ULK4: variants seen among roughly 807,000 people sequenced by gnomAD.
ULK4 encodes inactive serine/threonine-protein kinase ULK4.
A neutral mutation model predicts 160.6 loss-of-function variants in ULK4; 133 were observed. That is an observed-to-expected ratio of 0.83 (90% CI 0.72 to 0.96). The LOEUF (loss-of-function observed/expected upper bound fraction) is 0.96, where lower values mean the gene tolerates loss of function less well. ULK4 is among the 40% of genes least tolerant of loss of function. The pLI is 0.00. For synonymous variants in ULK4, 534 were observed against 539.8 expected, an observed-to-expected ratio of 0.99 and a Z score of 0.15; for missense variants, 1,580 against 1,499.5, an observed-to-expected ratio of 1.05 and a Z score of -0.89.
chr3:41,598,308 C>G (rs1236733784), intron 31 of ULK4, among the ~76,000 whole-genome samples: 1 of 152,132 alleles, frequency 6.6e-6, no homozygotes, highest in East Asian at 1.9e-4. Flanking sequence ...CTAAAAGTAG[C>G]TCAACTGGAG....
At position 41,481,010 on chromosome 3, in the gene ULK4, T is replaced by C. The variant is rs139163887; in HGVS notation, c.3227-17757A>G. ...GCTACAGTTCAAGATGAGATGTGGA[T>C]AGGGACACAGCCAAACTGTATCAGT... On this transcript the variant is annotated intron_variant, in intron 32 of 36. Transcript: ENST00000301831. Among the ~76,000 whole-genome samples the C allele has an allele frequency of 3.7e-4, 56 of 152,282 alleles. 1 individual carries two copies. In the East Asian group the frequency reaches 0.01, roughly 27 times the overall value.
At chr3:41,876,922 G>C (rs573775247) in intron 17 of ULK4, among the ~76,000 whole-genome samples, 2 of 152,246 alleles carry the variant, frequency 1.3e-5, no homozygotes, top group African/African-American at 2.4e-5. Context: ...TCTACTTAAT[G>C]TTCTGTTTCT....
At chr3:41,833,776 T>C (rs925189616) in intron 18 of ULK4, among the ~76,000 whole-genome samples, 1 of 152,120 alleles carries the variant, frequency 6.6e-6, no homozygotes, top group Non-Finnish European at 1.5e-5. Flanking sequence ...AAGGGGGGTT[T>C]CTAAATCTAG....
chr3:41,297,421 G>A (rs1216122803), intron 35 of ULK4, among the ~76,000 whole-genome samples: 2 of 152,220 alleles, frequency 1.3e-5, no homozygotes, highest in East Asian at 3.9e-4. Flanking sequence ...CCAACATACT[G>A]CACTGGCAAA....
intron 21 of ULK4, among the ~76,000 whole-genome samples, chr3:41,755,146 T>C (rs900262348): frequency 6.6e-6 from 1 of 152,052 alleles, no homozygotes; most frequent in African/African-American, 2.4e-5. Flanking sequence ...GGTTAACGAA[T>C]GTAAGTAGTC....
At chr3:41,463,577 A>G (rs1043433913) in intron 32 of ULK4, among the ~76,000 whole-genome samples, 3 of 152,200 alleles carry the variant, frequency 2.0e-5, no homozygotes, top group Non-Finnish European at 4.4e-5. Context: ...GAAGGAAAAC[A>G]ACTGTCCCCA....
rs557856419 is a variant in ULK4, at chr3:41,333,030, T to C, written c.3678+65049A>G. 2.6e-5 allele frequency among the ~76,000 whole-genome samples: 4 copies of C among 151,806 alleles called. No individual in the cohort carries two copies. The East Asian group carries it at 5.8e-4, about 22-fold the overall frequency. Reference sequence around the variant, plus strand: ...CAGTGAGATCCAGAGGATGCGATAATAACACACTTCTAGGTAATTTATGCA... The same window carrying C: ...CAGTGAGATCCAGAGGATGCGATAACAACACACTTCTAGGTAATTTATGCA... On this transcript the variant is annotated intron_variant, in intron 35 of 36. Coordinates refer to ENST00000301831, the MANE Select transcript of ULK4 (RefSeq NM_017886.4).
At chr3:41,362,373 T>C (rs1441158865) in intron 35 of ULK4, among the ~76,000 whole-genome samples, 1 of 152,198 alleles carries the variant, frequency 6.6e-6, no homozygotes, top group Non-Finnish European at 1.5e-5. Flanking sequence ...ATTGAAGCTA[T>C]TGATAAAGCA....
chr3:41,682,610 C>T (rs1347329460), intron 27 of ULK4, among the ~76,000 whole-genome samples: 1 of 152,128 alleles, frequency 6.6e-6, no homozygotes, highest in African/African-American at 2.4e-5. Context: ...GGCTGGTGGC[C>T]CATCAGTATT....
intron 32 of ULK4, among the ~76,000 whole-genome samples, chr3:41,554,006 C>T (rs914732688): frequency 1.4e-4 from 22 of 152,088 alleles, no homozygotes; most frequent in Admixed American, 1.3e-3. Flanking sequence ...CCCAGCCTCT[C>T]GTAACCTTTA....
At chr3:41,316,840 T>C (rs955466331) in intron 35 of ULK4, among the ~76,000 whole-genome samples, 5 of 152,228 alleles carry the variant, frequency 3.3e-5, no homozygotes, top group Non-Finnish European at 5.9e-5. Flanking sequence ...ACCATATATG[T>C]TGGCATCTAG....
intron 18 of ULK4, among the ~76,000 whole-genome samples, chr3:41,831,533 T>TATATATATATATA (rs763838679): frequency 8.0e-6 from 1 of 125,362 alleles, no homozygotes; most frequent in African/African-American, 4.2e-5. Flanking sequence ...ATATATATAT[T>TATATATATATATA]TTTTTTTCTT....
intron 17 of ULK4, among the ~76,000 whole-genome samples, chr3:41,880,542 A>C: frequency 6.6e-6 from 1 of 152,232 alleles, no homozygotes; most frequent in East Asian, 1.9e-4. Context: ...ACTCTCCAGC[A>C]TTAACTGCCT....
chr3:41,366,548 T>C (rs940659018), intron 35 of ULK4, among the ~76,000 whole-genome samples: 3 of 148,690 alleles, frequency 2.0e-5, no homozygotes, highest in Non-Finnish European at 4.5e-5. Flanking sequence ...AAAATATGGC[T>C]ACACACACAC....
chr3:41,836,085 TC>T, intron 17 of ULK4, 114 bp from the exon 18 acceptor site: 1 of 664,286 alleles, frequency 1.5e-6, no homozygotes. Flanking sequence ...AGAACTATTT[TC>T]CAAATTATTT....
chr3:41,247,082 C>A (rs528089152), intron 36 of ULK4, 90 bp from the exon 37 acceptor site: 11 of 1,255,392 alleles, frequency 8.8e-6, no homozygotes, highest in Non-Finnish European at 1.1e-5. Context: ...CTTTTGCACC[C>A]GAGTATCTGG....
chr3:41,752,585 T>C (rs1223759276), intron 22 of ULK4, among the ~76,000 whole-genome samples: 1 of 152,094 alleles, frequency 6.6e-6, no homozygotes, highest in Non-Finnish European at 1.5e-5. Context: ...AACACAAAAA[T>C]CAAGAGAAGA....
At chr3:41,545,585 C>T (rs180686436) in intron 32 of ULK4, among the ~76,000 whole-genome samples, 87 of 152,226 alleles carry the variant, frequency 5.7e-4, no homozygotes, top group Admixed American at 1.6e-3. Context: ...AGGAGTTTGA[C>T]TATCGTGTGC....
At chr3:41,859,288 T>C in intron 17 of ULK4, 1 of 558,394 alleles carries the variant, frequency 1.8e-6, no homozygotes, top group Non-Finnish European at 3.5e-6. Flanking sequence ...TGATTTTGCA[T>C]CTAGAAGGCA....
Sources: allele counts gnomAD v4.1 joint callset (sites outside exome capture counted in the v4.1 genomes callset), GRCh38; gene constraint gnomAD v4.1.1; transcripts MANE v1.5; gene names NCBI Gene and HGNC (gene_info 2026-07-23, HGNC 2026-07-21).